TBC1D14: variants seen among roughly 807,000 people sequenced by gnomAD.
TBC1D14 encodes the protein TBC1 domain family, member 14.
TBC1D14 carries 26 observed loss-of-function variants against 79.0 expected under a neutral mutation model. That is an observed-to-expected ratio of 0.33 (90% CI 0.24 to 0.46). The LOEUF is 0.46. Ranked by LOEUF, TBC1D14 falls within the 20% of genes least tolerant of loss-of-function variation. The pLI is 1.00. For synonymous variants in TBC1D14, 394 were observed against 349.9 expected (o/e 1.13, Z -1.40); for missense variants, 769 against 887.6 (o/e 0.87, Z 1.70).
At chr4:6,967,103 C>CT (rs1715768947) in intron 2 of TBC1D14, among the ~76,000 whole-genome samples, 1 of 152,198 alleles carries the variant, frequency 6.6e-6, no homozygotes, top group African/African-American at 2.4e-5. Context: ...GCCACTGCAC[C>CT]TGGCCAACAA....
At chr4:6,930,614 A>T (rs1178852501) in intron 2 of TBC1D14, among the ~76,000 whole-genome samples, 1 of 152,152 alleles carries the variant, frequency 6.6e-6, no homozygotes. Flanking sequence ...CCTGGCTAAC[A>T]TGGCGAAACT....
At chr4:6,918,723 G>A (rs545105238) in intron 1 of TBC1D14, among the ~76,000 whole-genome samples, 1 of 152,292 alleles carries the variant, frequency 6.6e-6, no homozygotes, top group South Asian at 2.1e-4. Context: ...GTGGCTTTTT[G>A]CTAGTTTGAT....
chr4:6,959,886 A>C (rs1247059722), intron 2 of TBC1D14, among the ~76,000 whole-genome samples: 1 of 152,158 alleles, frequency 6.6e-6, no homozygotes, highest in Non-Finnish European at 1.5e-5. Flanking sequence ...GGGTGTGATG[A>C]AGTCTTACTG....
chr4:7,021,335 T>C (rs903281796), intron 12 of TBC1D14, among the ~76,000 whole-genome samples: 1 of 152,242 alleles, frequency 6.6e-6, no homozygotes, highest in Admixed American at 6.5e-5. Flanking sequence ...TGGTGTCTCA[T>C]GTCTATAGTC....
intron 2 of TBC1D14, among the ~76,000 whole-genome samples, chr4:6,958,376 T>TATATACACACACACAC (rs538972596): frequency 2.0e-5 from 3 of 149,112 alleles, no homozygotes; most frequent in African/African-American, 7.5e-5. Context: ...TCCCCACATA[T>TATATACACACACACAC]ACACACACAC....
chr4:7,004,072 G>A (rs1312969902), intron 7 of TBC1D14, among the ~76,000 whole-genome samples: 2 of 152,160 alleles, frequency 1.3e-5, no homozygotes, highest in Non-Finnish European at 2.9e-5. Flanking sequence ...CGGGGAACAG[G>A]GCGCTGAGAA....
chr4:7,029,593 A>G (rs1038946947), intron 13 of TBC1D14, among the ~76,000 whole-genome samples: 3 of 152,234 alleles, frequency 2.0e-5, no homozygotes, highest in Non-Finnish European at 4.4e-5. Context: ...TTGGGAGGCC[A>G]AGGCGGGCGT....
In TBC1D14 at chr4:6,909,835, T is replaced by TCGGACCCGCTGCCTACCGCGTGC. The variant is rs1212357472; in HGVS notation, c.-132_-110dup. 6.8e-6 allele frequency: 1 copy of TCGGACCCGCTGCCTACCGCGTGC among 147,808 alleles called. No homozygotes were observed. Among genetic ancestry groups the TCGGACCCGCTGCCTACCGCGTGC allele is most frequent in the Non-Finnish European group, 1.5e-5 (1 of 66,344 alleles). The allele number at this position is 147,808 out of a possible 1,614,324, so 9.2% of individuals were successfully genotyped here. A position where few individuals can be genotyped will look rare whatever the true frequency, so the allele number is the denominator to read the frequency against. On this transcript the variant is annotated 5_prime_UTR_variant, in exon 1 of 14. Coordinates refer to ENST00000409757, the MANE Select transcript of TBC1D14 (RefSeq NM_020773.3). ...CGGGCTGCTCGCGCGCACCTGCGGGTCGGACCCGCTGCCTACCGCGTGCCC... is the reference window on the plus strand; with the variant it reads ...CGGGCTGCTCGCGCGCACCTGCGGGTCGGACCCGCTGCCTACCGCGTGCCGGACCCGCTGCCTACCGCGTGCCC...
At chr4:6,912,391 TAAAATAAAA>T (rs1246896934) in intron 1 of TBC1D14, among the ~76,000 whole-genome samples, 2 of 151,572 alleles carry the variant, frequency 1.3e-5, no homozygotes, top group African/African-American at 2.4e-5. Flanking sequence ...AAAATAAAAA[TAAAATAAAA>T]AAAATAAAAA....
At chr4:7,017,731 C>G (rs931785287) in intron 12 of TBC1D14, among the ~76,000 whole-genome samples, 13 of 152,162 alleles carry the variant, frequency 8.5e-5, no homozygotes, top group Non-Finnish European at 1.5e-4. Context: ...TAAGCACCAG[C>G]TAGGATACAG....
At chr4:6,932,502 G>A (rs1406889336) in intron 2 of TBC1D14, among the ~76,000 whole-genome samples, 2 of 152,220 alleles carry the variant, frequency 1.3e-5, no homozygotes, top group East Asian at 3.8e-4. Flanking sequence ...CAGATGCCCT[G>A]GGGATGGACA....
rs1352806542 is a variant in TBC1D14, at chr4:6,928,859, A to G, written c.722+4748A>G. On this transcript the variant is annotated intron_variant, in intron 2 of 13. Coordinates refer to ENST00000409757, the MANE Select transcript of TBC1D14 (RefSeq NM_020773.3). The stretch of plus-strand genomic sequence containing the variant: ...GGTTGTTGGGATTAAATGGGGAGGA[A>G]ATGTACATACATGGGACGCACTGGG... Among the ~76,000 whole-genome samples the G allele has an allele frequency of 2.0e-5, 3 of 152,072 alleles. No homozygotes were observed. The East Asian group carries it at 5.8e-4, about 29-fold the overall frequency.
chr4:6,957,361 G>A (rs977781458), intron 2 of TBC1D14, among the ~76,000 whole-genome samples: 2 of 152,248 alleles, frequency 1.3e-5, no homozygotes, highest in Admixed American at 6.5e-5. Flanking sequence ...CTGGAACAGT[G>A]TGTGACTTAG....
chr4:6,992,348 A>T (rs1344734200), intron 3 of TBC1D14, among the ~76,000 whole-genome samples: 1 of 152,140 alleles, frequency 6.6e-6, no homozygotes, highest in African/African-American at 2.4e-5. Context: ...TTCACAGATG[A>T]TATTGGGCCG....
intron 4 of TBC1D14, 145 bp from the exon 5 acceptor site, chr4:6,996,180 G>A (rs1719026000): frequency 1.6e-6 from 1 of 644,824 alleles, no homozygotes; most frequent in Non-Finnish European, 2.7e-6. Flanking sequence ...CATTATAAAA[G>A]TTTGTGAAAG....
rs769277454 is a variant in TBC1D14, at chr4:6,923,857, C to G, written c.468C>G (p.Val156=). 6.2e-7 allele frequency: 1 copy of G among 1,614,192 alleles called. No individual in the cohort carries two copies. The highest frequency in any genetic ancestry group is 8.5e-7 in the Non-Finnish European group (1 of 1,180,048). Residue 156 remains valine, a synonymous_variant, in exon 2 of 14, where the codon GTC becomes GTG. Coordinates refer to ENST00000409757, the MANE Select transcript of TBC1D14 (RefSeq NM_020773.3). ...TGACCCGCAGCGATGATGTCTCCGT[C>G]TGCAGCGTGTCCAGTCTTGGGACAG... ...KALTRSDDVS[V]CSVSSLGTEL...
chr4:6,930,926 A>T (rs569276364), intron 2 of TBC1D14, among the ~76,000 whole-genome samples: 1 of 152,060 alleles, frequency 6.6e-6, no homozygotes, highest in South Asian at 2.1e-4. Context: ...TTTGAGATGA[A>T]ATCTTGCTGT....
At chr4:6,942,750 AG>A (rs1250715074) in intron 2 of TBC1D14, among the ~76,000 whole-genome samples, 1 of 151,992 alleles carries the variant, frequency 6.6e-6, no homozygotes, top group African/African-American at 2.4e-5. Flanking sequence ...ACCAGGCACG[AG>A]GAAGAAGGAA....
At chr4:6,922,936 C>T (rs553247312) in intron 1 of TBC1D14, among the ~76,000 whole-genome samples, 33 of 152,228 alleles carry the variant, frequency 2.2e-4, no homozygotes, top group Non-Finnish European at 4.3e-4. Flanking sequence ...CGTGGTGGCT[C>T]ATGCCCAAAA....
Sources: gnomAD v4.1 joint callset for allele counts (sites outside exome capture counted in the v4.1 genomes callset) on GRCh38, gnomAD v4.1.1 for gene constraint, MANE v1.5 for transcripts, NCBI Gene and HGNC (gene_info 2026-07-23, HGNC 2026-07-21) for gene names.